The following KIFBP variants were observed in gnomAD, a reference collection of about 807,000 sequenced individuals.
KIFBP encodes kinesin family binding protein.
A neutral mutation model predicts 58.9 loss-of-function variants in KIFBP; 46 were observed. The ratio of observed to expected loss-of-function variants is 0.78; its 90% CI spans 0.62 to 1.00. The LOEUF (loss-of-function observed/expected upper bound fraction) is 1.00, where lower values mean the gene tolerates loss of function less well. KIFBP is among the 50% of genes least tolerant of loss of function. The pLI is 0.00. For synonymous variants in KIFBP, 241 were observed against 283.4 expected (o/e 0.85, Z 1.50); for missense variants, 651 against 752.9 (o/e 0.86, Z 1.58).
intron 5 of KIFBP, among the ~76,000 whole-genome samples, chr10:69,010,456 A>G (rs1286722923): frequency 3.9e-5 from 6 of 152,202 alleles, no homozygotes; most frequent in Non-Finnish European, 8.8e-5. Context: ...CTGCTCTGCT[A>G]TGTATGACAC....
intron 6 of KIFBP, among the ~76,000 whole-genome samples, chr10:69,014,654 A>G (rs543588151): frequency 1.4e-5 from 2 of 146,584 alleles, no homozygotes; most frequent in Admixed American, 7.0e-5. Context: ...ATTTATTTTT[A>G]TTGGCCAAGA....
intron 1 of KIFBP, among the ~76,000 whole-genome samples, chr10:68,994,702 G>GCATATAATAAACTGCA (rs1473089938): frequency 1.3e-5 from 2 of 151,996 alleles, no homozygotes; most frequent in African/African-American, 4.8e-5. Flanking sequence ...GTTGCAATTG[G>GCATATAATAAACTGCA]CATATAATAA....
Position 69,016,445 on chromosome 10 carries a change from A to G in KIFBP, c.*29A>G. On this transcript the variant is annotated 3_prime_UTR_variant, in exon 7 of 7. Transcript: ENST00000361983. ...TTGTTTTTAAAGAAAGGAAATGTGC[A>G]ATATTGAAGTGATCTTTTTCCCTAG... The G allele has an allele frequency of 6.2e-7, 1 of 1,611,046 alleles. No individual in the cohort carries two copies. The highest frequency in any genetic ancestry group is 8.5e-7 in the Non-Finnish European group (1 of 1,177,970).
chr10:68,988,817 G>A lies in KIFBP; in HGVS notation c.-16G>A. The A allele has an allele frequency of 6.2e-7, 1 of 1,614,258 alleles. No individual in the cohort carries two copies. The highest frequency in any genetic ancestry group is 8.5e-7 in the Non-Finnish European group (1 of 1,180,042). Reference sequence around the variant, plus strand: ...CGACTGCAAACATTGAGGAAAGCCAGGCAGTAGAGGCCGCTATGGCGAACG... The same window carrying A: ...CGACTGCAAACATTGAGGAAAGCCAAGCAGTAGAGGCCGCTATGGCGAACG... On this transcript the variant is annotated 5_prime_UTR_variant, in exon 1 of 7. Coordinates refer to ENST00000361983, the MANE Select transcript of KIFBP (RefSeq NM_015634.4).
intron 1 of KIFBP, among the ~76,000 whole-genome samples, chr10:68,994,278 G>A (rs1432999057): frequency 6.6e-6 from 1 of 151,946 alleles, no homozygotes; most frequent in African/African-American, 2.4e-5. Flanking sequence ...TACACATATA[G>A]TAAAAAGTTT....
rs1564633302 is a variant in KIFBP at position 68,989,235 on chromosome 10, ATCTC to A, written c.409_412del (p.Leu137AlafsTer25). 1.9e-5 allele frequency: 30 copies of A among 1,613,486 alleles called. No homozygotes were observed. Among genetic ancestry groups the A allele is most frequent in the Non-Finnish European group, 2.5e-5 (30 of 1,179,928 alleles). On this transcript the variant is annotated frameshift_variant, in exon 1 of 7. Transcript: ENST00000361983. LOFTEE classifies it high-confidence loss of function. ...CAGGTACCGGCTCTCGCACGACTGC[ATCTC>A]TCTCTGCATCCAGGCGCAGGTGAGA...
At chr10:68,999,220 C>T (rs1204179706) in intron 1 of KIFBP, among the ~76,000 whole-genome samples, 1 of 151,884 alleles carries the variant, frequency 6.6e-6, no homozygotes, top group African/African-American at 2.4e-5. Context: ...GCCTCAGCCC[C>T]CCAAGCAGCT....
intron 5 of KIFBP, 34 bp from the exon 6 acceptor site, chr10:69,010,866 C>T (rs1300336101): frequency 2.2e-6 from 3 of 1,374,150 alleles, no homozygotes; most frequent in Non-Finnish European, 3.1e-6. Flanking sequence ...ACAGTTGTGA[C>T]CATTAACTTA....
At chr10:69,012,638 TC>T (rs1741609849) in intron 6 of KIFBP, among the ~76,000 whole-genome samples, 1 of 152,062 alleles carries the variant, frequency 6.6e-6, no homozygotes, top group African/African-American at 2.4e-5. Context: ...ATGCCTATAA[TC>T]CCAGCACTTT....
chr10:68,995,810 C>A (rs1171413649), intron 1 of KIFBP, among the ~76,000 whole-genome samples: 3 of 152,126 alleles, frequency 2.0e-5, no homozygotes, highest in Admixed American at 2.0e-4. Flanking sequence ...AGATGCAAGA[C>A]CTTCCATTGT....
At chr10:68,997,136 G>C (rs905386736) in intron 1 of KIFBP, among the ~76,000 whole-genome samples, 2 of 152,128 alleles carry the variant, frequency 1.3e-5, no homozygotes, top group Non-Finnish European at 2.9e-5. Context: ...AGGTCATACT[G>C]ATAATGTTTT....
At chr10:68,989,594 G>A (rs1843318349) in intron 1 of KIFBP, 1 of 402,894 alleles carries the variant, frequency 2.5e-6, no homozygotes, top group Non-Finnish European at 4.5e-6. Context: ...CTCTCCACCA[G>A]TCCAACTCCT....
intron 2 of KIFBP, among the ~76,000 whole-genome samples, chr10:69,001,511 T>C (rs1057345144): frequency 1.3e-5 from 2 of 152,178 alleles, no homozygotes; most frequent in Non-Finnish European, 2.9e-5. Context: ...TCCCAGCATT[T>C]TGGGAGGCCG....
intron 6 of KIFBP, among the ~76,000 whole-genome samples, chr10:69,013,381 G>A (rs1843613884): frequency 6.6e-6 from 1 of 152,198 alleles, no homozygotes; most frequent in African/African-American, 2.4e-5. Context: ...ACAGGAAGTA[G>A]GGAGAATAAC....
At chr10:68,994,630 C>T (rs1843385498) in intron 1 of KIFBP, among the ~76,000 whole-genome samples, 3 of 152,072 alleles carry the variant, frequency 2.0e-5, no homozygotes, top group South Asian at 4.1e-4. Context: ...GATTGCTGTC[C>T]CCACTCCAGG....
In KIFBP at chr10:69,016,251, A is replaced by G; in HGVS notation, c.1701A>G (p.Glu567=). The part of the protein sequence containing the change: ...IITADPKKEL[E]NLATSLEHYK... Reference sequence around the variant, plus strand: ...CTGCAGATCCCAAGAAAGAGCTGGAAAATTTGGCAACATCATTGGAACATT... The same window carrying G: ...CTGCAGATCCCAAGAAAGAGCTGGAGAATTTGGCAACATCATTGGAACATT... The change falls in exon 7 of 7, where the codon GAA becomes GAG. Residue 567 remains glutamate, a synonymous_variant. Coordinates refer to ENST00000361983, the MANE Select transcript of KIFBP (RefSeq NM_015634.4). 4 of 1,600,394 alleles carry G rather than the reference A, an allele frequency of 2.5e-6. No individual in the cohort carries two copies. The highest frequency in any genetic ancestry group is 3.4e-6 in the Non-Finnish European group (4 of 1,174,156).
intron 5 of KIFBP, among the ~76,000 whole-genome samples, chr10:69,009,204 T>C (rs1295566251): frequency 6.6e-6 from 1 of 152,198 alleles, no homozygotes; most frequent in East Asian, 1.9e-4. Context: ...TTTATCAAAT[T>C]CAAGAAATGT....
intron 1 of KIFBP, among the ~76,000 whole-genome samples, chr10:68,994,185 C>G (rs1589293627): frequency 6.9e-6 from 1 of 145,858 alleles, no homozygotes; most frequent in Admixed American, 6.8e-5. Flanking sequence ...GACCCTGTCT[C>G]AGAAAAAAAA....
intron 5 of KIFBP, 132 bp from the exon 6 acceptor site, chr10:69,010,768 C>A (rs1275171629): frequency 4.4e-6 from 3 of 684,592 alleles, no homozygotes; most frequent in Non-Finnish European, 7.9e-6. Flanking sequence ...CTTCCCTTTT[C>A]CCCAAGCCCC....
Sources: allele counts gnomAD v4.1 joint callset (sites outside exome capture counted in the v4.1 genomes callset), GRCh38; gene constraint gnomAD v4.1.1; transcripts MANE v1.5; gene names NCBI Gene and HGNC (gene_info 2026-07-23, HGNC 2026-07-21).